The following ZNF721 variants were observed in gnomAD, a reference collection of about 807,000 sequenced individuals.
The protein encoded by ZNF721 is zinc finger protein 721.
ZNF721 carries 2 observed loss-of-function variants against 2.4 expected under a neutral mutation model. The observed-to-expected ratio is 0.82, with a 90% CI of 0.34 to 2.58. The LOEUF is 2.58. Ranked by LOEUF, ZNF721 falls within the 30% of genes most tolerant of loss-of-function variation. The pLI, the probability that ZNF721 is intolerant of heterozygous loss-of-function variation, is 0.11. For missense variants in ZNF721, 1,187 were observed against 1,085.5 expected, an observed-to-expected ratio of 1.09 and a Z score of -1.31; for synonymous variants, 398 against 381.8, an observed-to-expected ratio of 1.04 and a Z score of -0.50.
chr4:451,356 A>G (rs1168280939), intron 2 of ZNF721, among the ~76,000 whole-genome samples: 2 of 152,200 alleles, frequency 1.3e-5, no homozygotes, highest in Non-Finnish European at 2.9e-5. Context: ...GACAATCACA[A>G]AAACAAGTTG....
intron 2 of ZNF721, among the ~76,000 whole-genome samples, chr4:458,173 A>C (rs1714902951): frequency 6.6e-6 from 1 of 152,250 alleles, no homozygotes; most frequent in Non-Finnish European, 1.5e-5. Flanking sequence ...CTGCAGATAT[A>C]ACTGGAAGCT....
intron 2 of ZNF721, among the ~76,000 whole-genome samples, chr4:455,709 GTTC>G (rs1371299854): frequency 1.3e-5 from 2 of 152,180 alleles, no homozygotes; most frequent in African/African-American, 2.4e-5. Flanking sequence ...GTAAAATGGT[GTTC>G]TTCAAGAGCT....
chr4:492,117 C>T lies in ZNF721; in HGVS notation c.-94+6939G>A, dbSNP rs61385425. 1.6e-3 allele frequency among the ~76,000 whole-genome samples: 245 copies of T among 151,396 alleles called. 1 individual carries two copies. The highest frequency in any genetic ancestry group is 5.8e-3 in the African/African-American group (239 of 41,096). ...GGCAGAGCTTGCAGTGAGCCGAGAT[C>T]ACGCCACTGCACTCCAGTCTGGGTG... On this transcript the variant is annotated intron_variant, in intron 1 of 2. Transcript: ENST00000511833.
At chr4:451,601 T>C (rs1223311986) in intron 2 of ZNF721, among the ~76,000 whole-genome samples, 3 of 152,212 alleles carry the variant, frequency 2.0e-5, no homozygotes, top group Non-Finnish European at 4.4e-5. Flanking sequence ...TTCTCCCTTC[T>C]CCACTTCCCA....
intron 2 of ZNF721, among the ~76,000 whole-genome samples, chr4:455,401 C>G (rs1213804077): frequency 6.6e-6 from 1 of 152,100 alleles, no homozygotes; most frequent in Non-Finnish European, 1.5e-5. Flanking sequence ...AACCCTGTCT[C>G]TACTAAAAAT....
At chr4:470,580 G>A (rs1715400131) in intron 2 of ZNF721, among the ~76,000 whole-genome samples, 1 of 152,122 alleles carries the variant, frequency 6.6e-6, no homozygotes, top group East Asian at 1.9e-4. Context: ...AAGTCTAGTG[G>A]TGCATGCCTG....
At chr4:490,732 C>T (rs1553871355) in intron 1 of ZNF721, among the ~76,000 whole-genome samples, 1 of 152,094 alleles carries the variant, frequency 6.6e-6, no homozygotes, top group Non-Finnish European at 1.5e-5. Context: ...TGTGTGTGTG[C>T]ACGTGTGCAT....
intron 2 of ZNF721, among the ~76,000 whole-genome samples, chr4:469,284 CAAAAAA>C (rs139974014): frequency 6.8e-6 from 1 of 147,502 alleles, no homozygotes; most frequent in East Asian, 2.0e-4. Flanking sequence ...CAAAATTTCC[CAAAAAA>C]AAGAAAAAAA....
intron 1 of ZNF721, among the ~76,000 whole-genome samples, chr4:481,297 G>A (rs1171387482): frequency 6.6e-6 from 1 of 152,170 alleles, no homozygotes; most frequent in African/African-American, 2.4e-5. Context: ...TCCACCAACA[G>A]TGCATGGGGG....
intron 1 of ZNF721, among the ~76,000 whole-genome samples, chr4:481,040 G>A (rs1715759124): frequency 6.6e-6 from 1 of 152,086 alleles, no homozygotes; most frequent in Admixed American, 6.6e-5. Flanking sequence ...TCCCAACTCA[G>A]CCATCCAAGT....
intron 2 of ZNF721, among the ~76,000 whole-genome samples, chr4:463,421 A>T (rs75120894): frequency 0.022 from 3,329 of 152,302 alleles, 80 homozygotes; most frequent in East Asian, 0.13. Flanking sequence ...TACCCAAAGG[A>T]TTATAAATCA....
rs1560222583 is a variant in ZNF721 at position 441,918 on chromosome 4, G to A, written c.2549C>T (p.Ala850Val). 1 of 1,613,866 alleles carries A rather than the reference G, an allele frequency of 6.2e-7. No individual in the cohort carries two copies. Among genetic ancestry groups the A allele is most frequent in the Non-Finnish European group, 8.5e-7 (1 of 1,179,922 alleles). ...EECGKAFRQSAILYVHRRIHT... is the reference protein window; with the variant it reads ...EECGKAFRQSVILYVHRRIHT... ...AATTCTCCTATGTACATAAAGGATT[G>A]CTGACTGTCTAAAGGCTTTGCCACA... The change falls in exon 3 of 3, where the codon GCA (alanine) becomes GTA (valine). Residue 850 changes from alanine to valine, a missense_variant. Coordinates refer to ENST00000511833, the MANE Select transcript of ZNF721 (RefSeq NM_133474.4).
chr4:473,766 G>T (rs1560238734), intron 1 of ZNF721, among the ~76,000 whole-genome samples: 2 of 152,228 alleles, frequency 1.3e-5, no homozygotes, highest in South Asian at 2.1e-4. Flanking sequence ...CAGGGTTGCG[G>T]CGCAGAGCTG....
intron 2 of ZNF721, among the ~76,000 whole-genome samples, chr4:458,537 G>A (rs1203668089): frequency 2.0e-5 from 3 of 152,102 alleles, no homozygotes; most frequent in Admixed American, 1.3e-4. Flanking sequence ...AATGCTCCAG[G>A]AACCACTAAC....
Position 440,317 on chromosome 4 carries a change from A to G in ZNF721, c.*1378T>C, listed in dbSNP as rs1714188834. The G allele has an allele frequency of 1.3e-5, 2 of 152,180 alleles. No homozygotes were observed. The highest frequency in any genetic ancestry group is 4.8e-5 in the African/African-American group (2 of 41,440). The allele number at this position is 152,180 out of a possible 1,614,324, so 9.4% of individuals were successfully genotyped here. A position where few individuals can be genotyped will look rare whatever the true frequency, so the allele number is the denominator to read the frequency against. ...TTCTCATATCTCTGACGCAGCAACA[A>G]TTTATCACATGCTTTCACATAAATG... On this transcript the variant is annotated 3_prime_UTR_variant, in exon 3 of 3. Coordinates refer to ENST00000511833, the MANE Select transcript of ZNF721 (RefSeq NM_133474.4).
At chr4:497,934 G>A (rs1716313470) in intron 1 of ZNF721, among the ~76,000 whole-genome samples, 2 of 148,730 alleles carry the variant, frequency 1.3e-5, no homozygotes, top group South Asian at 4.3e-4. Flanking sequence ...GGCCGGGCGC[G>A]GTGGCTCATG....
At chr4:471,243 T>G (rs576829326) in intron 2 of ZNF721, among the ~76,000 whole-genome samples, 21 of 152,186 alleles carry the variant, frequency 1.4e-4, no homozygotes, top group Non-Finnish European at 2.8e-4. Flanking sequence ...GCAATACCAC[T>G]TCTGGTCATA....
chr4:456,015 C>T (rs1017417965), intron 2 of ZNF721, among the ~76,000 whole-genome samples: 3 of 151,806 alleles, frequency 2.0e-5, no homozygotes, highest in African/African-American at 7.3e-5. Context: ...GCCTACTCAC[C>T]TACAAAAGAA....
Position 443,453 on chromosome 4 carries a change from A to G in ZNF721, c.1014T>C (p.Cys338=). The G allele has an allele frequency of 6.2e-7, 1 of 1,612,130 alleles. No individual in the cohort carries two copies. The highest frequency in any genetic ancestry group is 8.5e-7 in the Non-Finnish European group (1 of 1,178,388). Residue 338 remains cysteine (C), a synonymous_variant, in exon 3 of 3, where the codon TGT becomes TGC. Transcript: ENST00000511833. ...TGEKPYTCGE[C]GKTFRQSANL... Reference sequence around the variant, plus strand: ...TTGCGGACTGTCTAAAGGTTTTGCCACATTCTCCACATGTGTAGGGTTTCT... The same window carrying G: ...TTGCGGACTGTCTAAAGGTTTTGCCGCATTCTCCACATGTGTAGGGTTTCT...
Sources: gnomAD v4.1 joint callset for allele counts (sites outside exome capture counted in the v4.1 genomes callset) on GRCh38, gnomAD v4.1.1 for gene constraint, MANE v1.5 for transcripts, NCBI Gene and HGNC (gene_info 2026-07-23, HGNC 2026-07-21) for gene names.